PITPNC1: variants seen among roughly 807,000 people sequenced by gnomAD.
PITPNC1 encodes the protein cytoplasmic phosphatidylinositol transfer protein 1.
PITPNC1 carries 18 observed loss-of-function variants against 44.7 expected under a neutral mutation model. That is an observed-to-expected ratio of 0.40 (90% CI 0.28 to 0.60). PITPNC1 has a LOEUF of 0.60. PITPNC1 is among the 20% of genes least tolerant of loss of function. The probability of loss-of-function intolerance (pLI) is 0.39; values close to 1 mark genes in which losing one functional copy is unlikely to be tolerated. For missense variants in PITPNC1, 290 were observed against 418.4 expected, an observed-to-expected ratio of 0.69 and a Z score of 2.68; for synonymous variants, 141 against 149.6, an observed-to-expected ratio of 0.94 and a Z score of 0.42.
chr17:67,603,099 C>T (rs944822712), intron 5 of PITPNC1, among the ~76,000 whole-genome samples: 1 of 152,108 alleles, frequency 6.6e-6, no homozygotes, highest in African/African-American at 2.4e-5. Flanking sequence ...GAGCAGTACT[C>T]ACAGGATTCA....
intron 6 of PITPNC1, among the ~76,000 whole-genome samples, chr17:67,662,313 G>A (rs1285475830): frequency 2.0e-5 from 3 of 151,732 alleles, no homozygotes; most frequent in Admixed American, 6.6e-5. Flanking sequence ...AATTAGCCAG[G>A]TGTGGTGGTG....
chr17:67,673,403 A>T (rs2042545503), intron 7 of PITPNC1, among the ~76,000 whole-genome samples: 1 of 150,224 alleles, frequency 6.7e-6, no homozygotes, highest in African/African-American at 2.5e-5. Flanking sequence ...ACACACGCAG[A>T]CACACACACA....
At chr17:67,427,705 A>G (rs2038791780) in intron 1 of PITPNC1, among the ~76,000 whole-genome samples, 1 of 152,206 alleles carries the variant, frequency 6.6e-6, no homozygotes, top group African/African-American at 2.4e-5. Flanking sequence ...CTAAAAATAA[A>G]CCATATTTAA....
Position 67,377,530 on chromosome 17 carries a change from C to A in PITPNC1, c.-625C>A. The A allele has an allele frequency of 6.5e-6, 1 of 153,912 alleles. No individual in the cohort carries two copies. Among genetic ancestry groups the A allele is most frequent in the South Asian group, 1.8e-4 (1 of 5,664 alleles). The allele number at this position is 153,912 out of a possible 1,614,324, so 9.5% of individuals were successfully genotyped here. On this transcript the variant is annotated 5_prime_UTR_variant, in exon 1 of 9. Transcript: ENST00000581322. ...GCGGCGGCGGCTTCCCTTTTCTCCCCGAGCCGAGCCCCGGAGCGGCGCGGG... is the reference window on the plus strand; with the variant it reads ...GCGGCGGCGGCTTCCCTTTTCTCCCAGAGCCGAGCCCCGGAGCGGCGCGGG...
At chr17:67,421,580 G>T (rs1009858719) in intron 1 of PITPNC1, among the ~76,000 whole-genome samples, 1 of 152,150 alleles carries the variant, frequency 6.6e-6, no homozygotes, top group Non-Finnish European at 1.5e-5. Context: ...ACTGTACCAG[G>T]CTAGAATGGT....
intron 2 of PITPNC1, among the ~76,000 whole-genome samples, chr17:67,541,406 A>G (rs1273984343): frequency 6.6e-6 from 1 of 152,004 alleles, no homozygotes; most frequent in Non-Finnish European, 1.5e-5. Context: ...TAACTTTGCA[A>G]TGGCCTGTTT....
intron 6 of PITPNC1, among the ~76,000 whole-genome samples, chr17:67,634,146 G>A (rs7209470): frequency 0.18 from 28,058 of 152,078 alleles, 2,986 homozygotes; most frequent in East Asian, 0.44. Context: ...TCATGGGCAC[G>A]TCCGTACCTC....
At chr17:67,557,565 T>C (rs2040854763) in intron 4 of PITPNC1, among the ~76,000 whole-genome samples, 1 of 152,194 alleles carries the variant, frequency 6.6e-6, no homozygotes, top group Non-Finnish European at 1.5e-5. Flanking sequence ...CAGCTTTTCT[T>C]TCCATCTCCC....
chr17:67,675,644 G>T (rs748424273), intron 8 of PITPNC1, 102 bp downstream of exon 8: 43 of 775,064 alleles, frequency 5.5e-5, no homozygotes, highest in Admixed American at 9.5e-5. Context: ...AACAACAAAG[G>T]CAAGGCCGCT....
chr17:67,431,644 C>G (rs2038858991), intron 1 of PITPNC1, among the ~76,000 whole-genome samples: 2 of 152,152 alleles, frequency 1.3e-5, no homozygotes. Flanking sequence ...TGTTTAATTA[C>G]ACGGTAATTT....
At chr17:67,457,898 T>C (rs906759221) in intron 1 of PITPNC1, 1 of 152,222 alleles carries the variant, frequency 6.6e-6, no homozygotes, top group Non-Finnish European at 1.5e-5. Flanking sequence ...TGCTGCTCGG[T>C]TGTCTTGCTG....
intron 2 of PITPNC1, among the ~76,000 whole-genome samples, chr17:67,540,443 T>C (rs990919878): frequency 5.9e-5 from 9 of 152,028 alleles, no homozygotes; most frequent in African/African-American, 2.2e-4. Context: ...ATCACAAATA[T>C]GGGGAAATGT....
intron 1 of PITPNC1, among the ~76,000 whole-genome samples, chr17:67,497,564 G>A (rs1324515923): frequency 9.7e-6 from 1 of 103,488 alleles, no homozygotes; most frequent in East Asian, 3.2e-4. Flanking sequence ...TGGGGTCTCT[G>A]TTGCCCAAGC....
chr17:67,397,201 G>A (rs1342068496), intron 1 of PITPNC1, among the ~76,000 whole-genome samples: 6 of 151,948 alleles, frequency 3.9e-5, no homozygotes, highest in Non-Finnish European at 7.4e-5. Flanking sequence ...GGCTGGTCTC[G>A]AACTCCTGAC....
chr17:67,546,824 C>T (rs1053079975), intron 2 of PITPNC1, among the ~76,000 whole-genome samples: 1 of 152,130 alleles, frequency 6.6e-6, no homozygotes, highest in Non-Finnish European at 1.5e-5. Context: ...ACTCTGGTCC[C>T]GAAACTGCTC....
At chr17:67,646,879 C>T (rs1478952485) in intron 6 of PITPNC1, among the ~76,000 whole-genome samples, 1 of 152,150 alleles carries the variant, frequency 6.6e-6, no homozygotes, top group East Asian at 1.9e-4. Flanking sequence ...CTTAGAGAGT[C>T]TAAGTAACTG....
chr17:67,429,612 C>T (rs1410386692), intron 1 of PITPNC1, among the ~76,000 whole-genome samples: 1 of 151,834 alleles, frequency 6.6e-6, no homozygotes, highest in Non-Finnish European at 1.5e-5. Context: ...GCAGGAGAAT[C>T]ACTTGAACCT....
At chr17:67,465,913 A>T (rs1269946314) in intron 1 of PITPNC1, among the ~76,000 whole-genome samples, 3 of 151,992 alleles carry the variant, frequency 2.0e-5, no homozygotes, top group African/African-American at 7.2e-5. Flanking sequence ...GCGGGGGTAA[A>T]TCTAAACTTC....
In PITPNC1 at chr17:67,695,707, A is replaced by G. The variant is rs2043000097; in HGVS notation, c.*2819A>G. The G allele has an allele frequency of 6.6e-6, 1 of 151,810 alleles. No individual in the cohort carries two copies. Among genetic ancestry groups the G allele is most frequent in the Non-Finnish European group, 1.5e-5 (1 of 67,964 alleles). 9.4% of individuals were successfully genotyped at this position (151,810 alleles called of 1,614,324 possible). On this transcript the variant is annotated 3_prime_UTR_variant, in exon 9 of 9. Transcript: ENST00000581322. ...GTAGCCAAACTTAAATAAATAATCC[A>G]TAGAATATCACATACGTTCACTCCA...
Sources: gnomAD v4.1 joint callset for allele counts (sites outside exome capture counted in the v4.1 genomes callset) on GRCh38, gnomAD v4.1.1 for gene constraint, MANE v1.5 for transcripts, NCBI Gene and HGNC (gene_info 2026-07-23, HGNC 2026-07-21) for gene names.